The following GPATCH2 variants were observed in gnomAD, a reference collection of about 807,000 sequenced individuals.
The protein encoded by GPATCH2 is G patch domain-containing protein 2.
In GPATCH2, 51 loss-of-function variants were observed where a neutral mutation model predicts 58.0. The ratio of observed to expected loss-of-function variants is 0.88; its 90% CI spans 0.70 to 1.11. The LOEUF is 1.11. Among genes scored for constraint, GPATCH2 ranks in the 50% most tolerant of loss-of-function variants. The pLI is 0.00. For synonymous variants in GPATCH2, 222 were observed against 218.5 expected (o/e 1.02, Z -0.14); for missense variants, 625 against 652.2 (o/e 0.96, Z 0.45).
chr1:217,472,757 T>C (rs1660786216), intron 8 of GPATCH2, among the ~76,000 whole-genome samples: 1 of 152,192 alleles, frequency 6.6e-6, no homozygotes, highest in Non-Finnish European at 1.5e-5. Flanking sequence ...CATAAAATTA[T>C]ATTTAAATAC....
intron 8 of GPATCH2, among the ~76,000 whole-genome samples, chr1:217,460,993 T>C (rs1028968951): frequency 3.9e-5 from 6 of 152,334 alleles, no homozygotes; most frequent in African/African-American, 1.2e-4. Flanking sequence ...ACGTGTCCCA[T>C]GACTTTGCTT....
chr1:217,551,680 T>C (rs549598605), intron 5 of GPATCH2, among the ~76,000 whole-genome samples: 3 of 151,708 alleles, frequency 2.0e-5, no homozygotes, highest in Admixed American at 6.6e-5. Context: ...TATCTGAATA[T>C]TTTTTTAAAA....
At chr1:217,515,058 G>C (rs1169924072) in intron 5 of GPATCH2, among the ~76,000 whole-genome samples, 169 bp from the exon 6 acceptor site, 1 of 151,612 alleles carries the variant, frequency 6.6e-6, no homozygotes, top group Non-Finnish European at 1.5e-5. Flanking sequence ...TTCCTGGTAA[G>C]AATACTTCAC....
At chr1:217,609,303 C>G (rs1668513253) in intron 5 of GPATCH2, 3 of 985,304 alleles carry the variant, frequency 3.0e-6, no homozygotes, top group Non-Finnish European at 3.6e-6. Context: ...GCAGCTCTCA[C>G]TTTTAAACAT....
At chr1:217,438,178 T>C (rs1658937442) in intron 9 of GPATCH2, among the ~76,000 whole-genome samples, 1 of 151,970 alleles carries the variant, frequency 6.6e-6, no homozygotes, top group South Asian at 2.1e-4. Context: ...CAGAAAGGAA[T>C]AGCATCAACA....
chr1:217,523,487 G>A (rs980526130), intron 5 of GPATCH2, among the ~76,000 whole-genome samples: 9 of 151,520 alleles, frequency 5.9e-5, no homozygotes, highest in Non-Finnish European at 1.2e-4. Context: ...CACAGGGTTG[G>A]GGGTAAGGTC....
chr1:217,598,159 G>A (rs981826626), intron 5 of GPATCH2, among the ~76,000 whole-genome samples: 1 of 152,122 alleles, frequency 6.6e-6, no homozygotes, highest in Non-Finnish European at 1.5e-5. Flanking sequence ...GCTGAGGTGG[G>A]AGGATTACTT....
chr1:217,456,179 T>C (rs1028469397), intron 8 of GPATCH2, among the ~76,000 whole-genome samples: 2 of 152,146 alleles, frequency 1.3e-5, no homozygotes, highest in African/African-American at 4.8e-5. Flanking sequence ...ACACTTAAGC[T>C]GTCTGTGGAT....
intron 7 of GPATCH2, among the ~76,000 whole-genome samples, chr1:217,494,776 T>A (rs1395847835): frequency 6.6e-6 from 1 of 152,126 alleles, no homozygotes; most frequent in Non-Finnish European, 1.5e-5. Flanking sequence ...CATATTTTTT[T>A]TTAAAGTCAG....
chr1:217,604,607 T>C (rs1396553666), intron 5 of GPATCH2, among the ~76,000 whole-genome samples: 3 of 152,198 alleles, frequency 2.0e-5, no homozygotes, highest in Admixed American at 6.5e-5. Context: ...TAATCAGTCA[T>C]GGTCAAATTA....
At position 217,494,503 on chromosome 1, in the gene GPATCH2, C is replaced by T. The variant is rs183580858; in HGVS notation, c.1207-2753G>A. 2.1e-3 allele frequency among the ~76,000 whole-genome samples: 327 copies of T among 152,326 alleles called. 3 individuals carry two copies. The highest frequency in any genetic ancestry group is 7.2e-3 in the African/African-American group (298 of 41,586). On this transcript the variant is annotated intron_variant, in intron 7 of 9. Transcript: ENST00000366935. ...CCTGTAATCCCAGCACTTTGGGAGGCCATGGCGGGCGGATCACCTGAAGTC... is the reference window on the plus strand; with the variant it reads ...CCTGTAATCCCAGCACTTTGGGAGGTCATGGCGGGCGGATCACCTGAAGTC...
intron 8 of GPATCH2, among the ~76,000 whole-genome samples, chr1:217,451,155 C>T (rs1175401663): frequency 1.3e-5 from 2 of 152,140 alleles, no homozygotes; most frequent in Non-Finnish European, 2.9e-5. Flanking sequence ...TTATTAACGA[C>T]TAGTGAAGAC....
intron 5 of GPATCH2, among the ~76,000 whole-genome samples, chr1:217,584,932 C>A (rs925103088): frequency 6.6e-6 from 1 of 150,674 alleles, no homozygotes; most frequent in African/African-American, 2.4e-5. Context: ...AACAAAAGGA[C>A]CCAGAAAGGT....
chr1:217,541,120 GGCA>G (rs1354673576), intron 5 of GPATCH2, among the ~76,000 whole-genome samples: 1 of 152,140 alleles, frequency 6.6e-6, no homozygotes, highest in Admixed American at 6.6e-5. Flanking sequence ...TTCATCGGTA[GGCA>G]AGTTTGGTTA....
rs540276827 is a variant in GPATCH2, at chr1:217,571,350, A to G, written c.1098+38971T>C. On this transcript the variant is annotated intron_variant, in intron 5 of 9. Transcript: ENST00000366935. ...CCAAACAGGTGCTCAGTATAATGTT[A>G]GCCTAAATGCTAAATGTGATATAAT... 2.0e-5 allele frequency among the ~76,000 whole-genome samples: 3 copies of G among 152,328 alleles called. No homozygotes were observed. The South Asian group carries it at 6.2e-4, about 32-fold the overall frequency.
chr1:217,457,307 G>C (rs1411995632), intron 8 of GPATCH2, among the ~76,000 whole-genome samples: 1 of 152,128 alleles, frequency 6.6e-6, no homozygotes, highest in East Asian at 1.9e-4. Flanking sequence ...GTTTGAGAAG[G>C]CTTTTTATCA....
At chr1:217,484,407 TC>T (rs1661351640) in intron 8 of GPATCH2, among the ~76,000 whole-genome samples, 3 of 151,894 alleles carry the variant, frequency 2.0e-5, no homozygotes, top group South Asian at 4.2e-4. Context: ...TCACAGGTTT[TC>T]CTGGTTCTCA....
At chr1:217,475,417 C>T (rs1324584535) in intron 8 of GPATCH2, among the ~76,000 whole-genome samples, 1 of 151,742 alleles carries the variant, frequency 6.6e-6, no homozygotes, top group Non-Finnish European at 1.5e-5. Context: ...CCAGCCTGGG[C>T]GACACAGCAA....
chr1:217,467,222 A>G (rs559911780), intron 8 of GPATCH2, among the ~76,000 whole-genome samples: 144 of 152,324 alleles, frequency 9.5e-4, no homozygotes, highest in African/African-American at 3.3e-3. Flanking sequence ...AATGGAGGGA[A>G]CCAGGTAGAA....
Sources: allele counts gnomAD v4.1 joint callset (sites outside exome capture counted in the v4.1 genomes callset), GRCh38; gene constraint gnomAD v4.1.1; transcripts MANE v1.5; gene names NCBI Gene and HGNC (gene_info 2026-07-23, HGNC 2026-07-21).